RYR3: variants seen among roughly 807,000 people sequenced by gnomAD.
The protein encoded by RYR3 is brain ryanodine receptor-calcium release channel.
RYR3 carries 207 observed loss-of-function variants against 584.3 expected under a neutral mutation model. The ratio of observed to expected loss-of-function variants is 0.35; its 90% CI spans 0.32 to 0.40. RYR3 has a LOEUF of 0.40. Ranked by LOEUF, RYR3 falls within the 10% of genes least tolerant of loss-of-function variation. The pLI, the probability that RYR3 is intolerant of heterozygous loss-of-function variation, is 1.00. For synonymous variants in RYR3, 2,416 were observed against 2,248.5 expected (o/e 1.07, Z -2.11); for missense variants, 5,616 against 6,089.2 (o/e 0.92, Z 2.59).
intron 1 of RYR3, among the ~76,000 whole-genome samples, chr15:33,443,678 C>T (rs1596163530): frequency 6.6e-6 from 1 of 152,242 alleles, no homozygotes; most frequent in East Asian, 1.9e-4. Flanking sequence ...ACATGGGGCA[C>T]CTGAGTCTGG....
intron 69 of RYR3, among the ~76,000 whole-genome samples, chr15:33,805,196 G>C (rs16958066): frequency 0.18 from 26,840 of 152,040 alleles, 2,808 homozygotes; most frequent in East Asian, 0.53. Context: ...GGAATGGTAA[G>C]TTAGAATGTG....
intron 1 of RYR3, among the ~76,000 whole-genome samples, chr15:33,422,016 G>T (rs1179476788): frequency 1.3e-5 from 2 of 152,078 alleles, no homozygotes; most frequent in African/African-American, 2.4e-5. Flanking sequence ...TTAAGATTTT[G>T]CTTCCTTCAC....
chr15:33,775,095 G>A (rs1217011427), intron 64 of RYR3, among the ~76,000 whole-genome samples: 2 of 151,638 alleles, frequency 1.3e-5, no homozygotes, highest in Non-Finnish European at 2.9e-5. Context: ...TGCTCTTCAT[G>A]TGACTTTCTA....
At chr15:33,861,597 G>A (rs1597116562) in intron 102 of RYR3, among the ~76,000 whole-genome samples, 1 of 151,502 alleles carries the variant, frequency 6.6e-6, no homozygotes, top group African/African-American at 2.4e-5. Flanking sequence ...CTCAGTCACT[G>A]TCTTCAATTT....
chr15:33,698,146 C>A (rs1327091831), intron 40 of RYR3, 150 bp downstream of exon 40: 4 of 629,900 alleles, frequency 6.4e-6, no homozygotes, highest in Non-Finnish European at 1.2e-5. Flanking sequence ...AGGAGCCAAG[C>A]GATGGGATAA....
rs140893585 is a variant in RYR3 at position 33,459,214 on chromosome 15, T to G, written c.52-14205T>G. Among the ~76,000 whole-genome samples, 386 of 152,346 alleles carry G rather than the reference T, an allele frequency of 2.5e-3. 1 individual carries two copies. Among genetic ancestry groups the G allele is most frequent in the African/African-American group, 8.9e-3 (370 of 41,574 alleles). On this transcript the variant is annotated intron_variant, in intron 1 of 103. Coordinates refer to ENST00000634891, the MANE Select transcript of RYR3 (RefSeq NM_001036.6). The stretch of plus-strand genomic sequence containing the variant: ...TCACATATGGTTGAGCCCCACGGCT[T>G]CATAGCAGAGCTAAGTTTGTTCTTT...
chr15:33,549,363 T>C (rs2056499902), intron 9 of RYR3, among the ~76,000 whole-genome samples: 1 of 152,268 alleles, frequency 6.6e-6, no homozygotes, highest in African/African-American at 2.4e-5. Context: ...GATTTATTGA[T>C]GCTTCAAAAA....
At chr15:33,406,798 A>G (rs981865264) in intron 1 of RYR3, among the ~76,000 whole-genome samples, 2 of 152,240 alleles carry the variant, frequency 1.3e-5, no homozygotes, top group Middle Eastern at 3.2e-3. Flanking sequence ...TTCTAAATAC[A>G]TGCCAGATCC....
chr15:33,490,535 A>G (rs2050876826), intron 2 of RYR3, among the ~76,000 whole-genome samples: 2 of 152,146 alleles, frequency 1.3e-5, no homozygotes, highest in African/African-American at 4.8e-5. Context: ...CACCTCTTCA[A>G]TTCCAAGAGT....
intron 23 of RYR3, among the ~76,000 whole-genome samples, chr15:33,632,574 C>G (rs2061322204): frequency 6.6e-6 from 1 of 152,184 alleles, no homozygotes; most frequent in Non-Finnish European, 1.5e-5. Context: ...CTTGTTCTTG[C>G]CAATCTGGTT....
At chr15:33,365,733 G>A (rs1056850780) in intron 1 of RYR3, among the ~76,000 whole-genome samples, 3 of 152,168 alleles carry the variant, frequency 2.0e-5, no homozygotes, top group African/African-American at 4.8e-5. Context: ...AATAATAAAG[G>A]GGATAGGAGG....
intron 62 of RYR3, among the ~76,000 whole-genome samples, chr15:33,770,533 C>T (rs1013729173): frequency 6.6e-6 from 1 of 152,116 alleles, no homozygotes; most frequent in Non-Finnish European, 1.5e-5. Context: ...GGGTGGATTG[C>T]TTGAGGCCAG....
chr15:33,629,759 T>A, intron 21 of RYR3, 181 bp from the exon 22 acceptor site: 1 of 518,114 alleles, frequency 1.9e-6, no homozygotes, highest in Non-Finnish European at 3.4e-6. Context: ...ACTGGCAACT[T>A]GGAGACTGTG....
chr15:33,451,240 C>T (rs2047099294), intron 1 of RYR3, among the ~76,000 whole-genome samples: 1 of 152,152 alleles, frequency 6.6e-6, no homozygotes, highest in African/African-American at 2.4e-5. Flanking sequence ...CCACTTTCCC[C>T]CAGTAGATAG....
chr15:33,779,942 C>T (rs925648477), intron 64 of RYR3, among the ~76,000 whole-genome samples: 1 of 152,016 alleles, frequency 6.6e-6, no homozygotes, highest in African/African-American at 2.4e-5. Context: ...ACCTGGGAGG[C>T]GGAGCTTGCA....
At chr15:33,647,986 G>A (rs1214995414) in intron 30 of RYR3, among the ~76,000 whole-genome samples, 1 of 69,728 alleles carries the variant, frequency 1.4e-5, no homozygotes, top group African/African-American at 4.6e-5. Flanking sequence ...TTTAGCATCT[G>A]GCAAAAAAAA....
intron 35 of RYR3, 95 bp downstream of exon 35, chr15:33,663,043 T>A (rs1021820628): frequency 8.7e-7 from 1 of 1,145,940 alleles, no homozygotes; most frequent in East Asian, 2.4e-5. Context: ...AGGTAAGGTA[T>A]GTCAAGTGCT....
At chr15:33,725,828 G>A (rs2152813163) in intron 45 of RYR3, among the ~76,000 whole-genome samples, 1 of 149,618 alleles carries the variant, frequency 6.7e-6, no homozygotes, top group South Asian at 2.1e-4. Flanking sequence ...AAATTAGCCA[G>A]GTGTGGTGGC....
chr15:33,646,578 G>C (rs1015001104), intron 29 of RYR3, 52 bp downstream of exon 29: 6 of 1,512,220 alleles, frequency 4.0e-6, no homozygotes, highest in African/African-American at 2.8e-5. Context: ...CTCCTGTAAA[G>C]TGGGCTTTCT....
Sources: allele counts gnomAD v4.1 joint callset (sites outside exome capture counted in the v4.1 genomes callset), GRCh38; gene constraint gnomAD v4.1.1; transcripts MANE v1.5; gene names NCBI Gene and HGNC (gene_info 2026-07-23, HGNC 2026-07-21).